The following DNAH6 variants were observed in gnomAD, a reference collection of about 807,000 sequenced individuals.
The protein encoded by DNAH6 is axonemal beta dynein heavy chain 6.
In DNAH6, 340 loss-of-function variants were observed where a neutral mutation model predicts 491.4. The observed-to-expected ratio is 0.69, with a 90% CI of 0.63 to 0.76. The LOEUF (loss-of-function observed/expected upper bound fraction) is 0.76, where lower values mean the gene tolerates loss of function less well. Among genes scored for constraint, DNAH6 ranks in the 30% least tolerant of loss-of-function variants. The probability of loss-of-function intolerance (pLI) is 0.00; values close to 1 mark genes in which losing one functional copy is unlikely to be tolerated. For synonymous variants in DNAH6, 1,603 were observed against 1,686.1 expected (o/e 0.95, Z 1.21); for missense variants, 4,443 against 4,972.2 (o/e 0.89, Z 3.20).
intron 4 of DNAH6, among the ~76,000 whole-genome samples, chr2:84,540,722 T>C (rs908137271): frequency 2.6e-5 from 4 of 152,178 alleles, no homozygotes; most frequent in Non-Finnish European, 5.9e-5. Flanking sequence ...CTTTTAGAAG[T>C]TAATAGAAGT....
At chr2:84,510,550 G>A in the DNAH6 span, among the ~76,000 whole-genome samples, 5 of 151,576 alleles carry the variant, frequency 3.3e-5, no homozygotes, top group African/African-American at 7.3e-5. Flanking sequence ...TAGTTTGATC[G>A]TCTGAAGCCT....
chr2:84,714,468 G>C (rs1697336969), intron 57 of DNAH6, among the ~76,000 whole-genome samples: 1 of 152,138 alleles, frequency 6.6e-6, no homozygotes, highest in Non-Finnish European at 1.5e-5. Context: ...GAATGGAGGG[G>C]AGCAGGAAGG....
chr2:84,805,241 A>G (rs1679311068), intron 70 of DNAH6, among the ~76,000 whole-genome samples: 3 of 152,204 alleles, frequency 2.0e-5, no homozygotes, highest in Non-Finnish European at 4.4e-5. Context: ...TACCTCCAAG[A>G]CAGAAAATAA....
At chr2:84,817,604 A>AT (rs937349509) in intron 76 of DNAH6, among the ~76,000 whole-genome samples, 84 of 151,982 alleles carry the variant, frequency 5.5e-4, no homozygotes, top group African/African-American at 1.9e-3. Flanking sequence ...CCCCATCTCA[A>AT]TTAAAAAAAA....
the DNAH6 span, among the ~76,000 whole-genome samples, chr2:84,465,420 G>A: frequency 2.1e-3 from 317 of 152,158 alleles, no homozygotes; most frequent in African/African-American, 6.8e-3. Context: ...GGGTGAACCC[G>A]GGAGGCGGAG....
chr2:84,788,342 T>A (rs1677412741), intron 68 of DNAH6, among the ~76,000 whole-genome samples: 3 of 152,224 alleles, frequency 2.0e-5, no homozygotes, highest in Admixed American at 2.0e-4. Context: ...CAGTGTCTAC[T>A]GCTGTGGAAG....
chr2:84,527,941 A>G (rs1427764764), intron 3 of DNAH6, among the ~76,000 whole-genome samples: 2 of 152,214 alleles, frequency 1.3e-5, no homozygotes, highest in East Asian at 3.9e-4. Context: ...CAGTTCTACT[A>G]TGGTGACTCT....
In DNAH6 at chr2:84,814,109, C is replaced by G; in HGVS notation, c.12137C>G (p.Pro4046Arg). 1.3e-6 allele frequency: 2 copies of G among 1,551,558 alleles called. No homozygotes were observed. The highest frequency in any genetic ancestry group is 2.4e-5 in the South Asian group (2 of 84,042). ...ACAGTGCAATTTGGACAAGAACTGC[C>G]CATGGACATGGAGGTATTGTCCACC... ...AKTVQFGQEL[P>R]MDMELPSPED... Residue 4046 changes from proline to arginine, a missense_variant, in exon 75 of 77, where the codon CCC becomes CGC. Coordinates refer to ENST00000389394, the MANE Select transcript of DNAH6 (RefSeq NM_001370.2).
chr2:84,650,049 T>C (rs1690285621), intron 33 of DNAH6, among the ~76,000 whole-genome samples: 1 of 152,196 alleles, frequency 6.6e-6, no homozygotes, highest in South Asian at 2.1e-4. Flanking sequence ...ATTTTTTTTT[T>C]CTTCTGGCTG....
At chr2:84,565,573 T>C (rs921913844) in intron 11 of DNAH6, among the ~76,000 whole-genome samples, 1 of 151,956 alleles carries the variant, frequency 6.6e-6, no homozygotes, top group African/African-American at 2.4e-5. Context: ...GTGTTTATTC[T>C]TTTTTCTTTT....
chr2:84,816,944 G>A (rs1419237718), intron 76 of DNAH6, among the ~76,000 whole-genome samples: 1 of 152,166 alleles, frequency 6.6e-6, no homozygotes, highest in Non-Finnish European at 1.5e-5. Context: ...CCTGTGGAAG[G>A]AGCCAGAAAT....
intron 2 of DNAH6, among the ~76,000 whole-genome samples, chr2:84,518,788 A>G (rs1267860583): frequency 6.6e-6 from 1 of 152,254 alleles, no homozygotes; most frequent in Non-Finnish European, 1.5e-5. Context: ...AAATAAACAA[A>G]TATAAATGAA....
rs1351031818 is a variant in DNAH6, at chr2:84,604,488, A to G, written c.3018A>G (p.Gln1006=). 5 of 1,551,672 alleles carry G rather than the reference A, an allele frequency of 3.2e-6. No homozygotes were observed. The highest frequency in any genetic ancestry group is 2.0e-5 in the Admixed American group (1 of 50,982). The change falls in exon 19 of 77, where the codon CAA becomes CAG. Residue 1006 remains glutamine (Q), a synonymous_variant. Transcript: ENST00000389394. Reference sequence around the variant, plus strand: ...AGTTGCATGTTTTTGACTTTGGTCAAGAAATCCAGGACATATCTGGACAGG... The same window carrying G: ...AGTTGCATGTTTTTGACTTTGGTCAGGAAATCCAGGACATATCTGGACAGG... ...LSQLHVFDFG[Q]EIQDISGQAS...
chr2:84,694,823 C>G (rs1309107678), intron 46 of DNAH6, among the ~76,000 whole-genome samples: 1 of 152,090 alleles, frequency 6.6e-6, no homozygotes, highest in Non-Finnish European at 1.5e-5. Context: ...CATGACTTTA[C>G]CTACAGAAAG....
At chr2:84,662,567 C>T (rs2091477) in intron 37 of DNAH6, among the ~76,000 whole-genome samples, 116,334 of 152,030 alleles carry the variant, frequency 0.77, 46,707 homozygotes, top group East Asian at 0.93. Context: ...GGGTGCCCAC[C>T]ATTGCTGAGG....
intron 61 of DNAH6, among the ~76,000 whole-genome samples, chr2:84,729,087 C>T (rs1169810552): frequency 6.6e-6 from 1 of 152,158 alleles, no homozygotes; most frequent in Non-Finnish European, 1.5e-5. Flanking sequence ...ATGTTCCTTC[C>T]TCCCTGACCC....
intron 40 of DNAH6, among the ~76,000 whole-genome samples, chr2:84,674,022 G>T (rs1692993880): frequency 6.6e-6 from 1 of 152,162 alleles, no homozygotes; most frequent in Admixed American, 6.5e-5. Context: ...TCCCATTTCT[G>T]TTCTGGAGAA....
intron 64 of DNAH6, among the ~76,000 whole-genome samples, chr2:84,765,344 G>A (rs920790692): frequency 2.0e-5 from 3 of 151,988 alleles, no homozygotes; most frequent in African/African-American, 4.8e-5. Context: ...ACATGAATAT[G>A]CGTTGTATTA....
chr2:84,619,684 G>A lies in DNAH6; in HGVS notation c.3573-1G>A. The A allele has an allele frequency of 8.4e-6, 13 of 1,550,824 alleles. No homozygotes were observed. Among genetic ancestry groups the A allele is most frequent in the African/African-American group, 1.4e-5 (1 of 73,100 alleles). ...TATTTTAAGGATGTTCTTTAATCCA[G>A]GTTTTACTTCTTGTCAAATGATGAA... On this transcript the variant is annotated splice_acceptor_variant, in intron 23 of 76. Coordinates refer to ENST00000389394, the MANE Select transcript of DNAH6 (RefSeq NM_001370.2). LOFTEE classifies it high-confidence loss of function.
Sources: allele counts gnomAD v4.1 joint callset (sites outside exome capture counted in the v4.1 genomes callset), GRCh38; gene constraint gnomAD v4.1.1; transcripts MANE v1.5; gene names NCBI Gene and HGNC (gene_info 2026-07-23, HGNC 2026-07-21).